The following CNTLN variants were observed in gnomAD, a reference collection of about 807,000 sequenced individuals.
The protein encoded by CNTLN is centlein, centrosomal protein.
In CNTLN, 212 loss-of-function variants were observed where a neutral mutation model predicts 180.0. The ratio of observed to expected loss-of-function variants is 1.18; its 90% confidence interval spans 1.05 to 1.32. The LOEUF (loss-of-function observed/expected upper bound fraction) is 1.32, where lower values mean the gene tolerates loss of function less well. CNTLN is among the 40% of genes most tolerant of loss of function. The pLI, the probability that CNTLN is intolerant of heterozygous loss-of-function variation, is 0.00. For synonymous variants in CNTLN, 722 were observed against 563.1 expected, an observed-to-expected ratio of 1.28 and a Z score of -3.99; for missense variants, 2,095 against 1,610.9, an observed-to-expected ratio of 1.30 and a Z score of -5.14.
At chr9:17,457,180 G>T (rs1313487857) in intron 18 of CNTLN, among the ~76,000 whole-genome samples, 1 of 152,094 alleles carries the variant, frequency 6.6e-6, no homozygotes, top group African/African-American at 2.4e-5. Context: ...GCTTTTCCCA[G>T]TTAAGTACTA....
At chr9:17,395,250 T>A (rs1441007526) in intron 15 of CNTLN, among the ~76,000 whole-genome samples, 181 bp downstream of exon 15, 3 of 152,214 alleles carry the variant, frequency 2.0e-5, no homozygotes, top group Non-Finnish European at 4.4e-5. Context: ...CATGCAAAAT[T>A]AGCCACAACT....
At chr9:17,449,833 A>G (rs1830683080) in intron 18 of CNTLN, among the ~76,000 whole-genome samples, 1 of 152,256 alleles carries the variant, frequency 6.6e-6, no homozygotes, top group South Asian at 2.1e-4. Flanking sequence ...ATAAAGGCAT[A>G]TAATGTTAAA....
At chr9:17,459,346 G>A (rs956736019) in intron 19 of CNTLN, among the ~76,000 whole-genome samples, 7 of 151,760 alleles carry the variant, frequency 4.6e-5, no homozygotes, top group Non-Finnish European at 1.0e-4. Flanking sequence ...TCTTGCTTTG[G>A]AGGAATGTGT....
At chr9:17,149,974 A>C (rs1185410059) in intron 2 of CNTLN, among the ~76,000 whole-genome samples, 2 of 152,090 alleles carry the variant, frequency 1.3e-5, no homozygotes, top group Admixed American at 1.3e-4. Context: ...GTCTGTTCAT[A>C]TCCTTTGCCA....
chr9:17,518,036 C>CTTTTTTTTTT, the CNTLN span, among the ~76,000 whole-genome samples: 39 of 69,224 alleles, frequency 5.6e-4, no homozygotes, highest in Admixed American at 8.0e-4. Flanking sequence ...TTTTCTTTTC[C>CTTTTTTTTTT]TTTTTTTTTT....
chr9:17,291,125 C>T (rs1829373704), intron 6 of CNTLN, among the ~76,000 whole-genome samples: 1 of 152,106 alleles, frequency 6.6e-6, no homozygotes, highest in African/African-American at 2.4e-5. Context: ...GAGTGGGTTT[C>T]TTTATCTTGA....
intron 19 of CNTLN, among the ~76,000 whole-genome samples, chr9:17,459,063 A>G (rs1470377631): frequency 6.6e-6 from 1 of 151,808 alleles, no homozygotes; most frequent in Admixed American, 6.6e-5. Flanking sequence ...TTCTGATATA[A>G]CTTTGTTTTT....
At chr9:17,355,091 C>G (rs755643327) in intron 12 of CNTLN, among the ~76,000 whole-genome samples, 2 of 152,174 alleles carry the variant, frequency 1.3e-5, no homozygotes, top group Non-Finnish European at 2.9e-5. Flanking sequence ...TCCAGACGCG[C>G]CACTTTAAGA....
intron 12 of CNTLN, among the ~76,000 whole-genome samples, chr9:17,358,512 C>T (rs557739801): frequency 1.3e-5 from 2 of 152,096 alleles, no homozygotes; most frequent in East Asian, 1.9e-4. Flanking sequence ...TAGACGTACA[C>T]GTGTGTATGT....
chr9:17,138,046 T>A (rs1817841058), intron 1 of CNTLN, among the ~76,000 whole-genome samples: 1 of 152,198 alleles, frequency 6.6e-6, no homozygotes, highest in Non-Finnish European at 1.5e-5. Flanking sequence ...CAAATGTAGC[T>A]TTTTCCTAAG....
At chr9:17,289,359 G>A (rs202050320) in intron 6 of CNTLN, among the ~76,000 whole-genome samples, 1 of 96,808 alleles carries the variant, frequency 1.0e-5, no homozygotes, top group Non-Finnish European at 1.9e-5. Flanking sequence ...TGGCTTGTAG[G>A]GTTTCTGCCG....
chr9:17,393,219 C>G (rs1222092244), intron 14 of CNTLN, among the ~76,000 whole-genome samples: 1 of 152,082 alleles, frequency 6.6e-6, no homozygotes, highest in Non-Finnish European at 1.5e-5. Flanking sequence ...CCCTCATGAT[C>G]CAATCACCTT....
Position 17,416,096 on chromosome 9 carries a change from G to A in CNTLN, c.3021G>A (p.Leu1007=), listed in dbSNP as rs1169558269. The A allele has an allele frequency of 1.9e-6, 3 of 1,613,562 alleles. No homozygotes were observed. The East Asian group carries it at 6.7e-5, about 36-fold the overall frequency. The change falls in exon 18 of 26, where the codon TTG becomes TTA. Residue 1007 remains leucine (L), a synonymous_variant. Coordinates refer to ENST00000380647, the MANE Select transcript of CNTLN (RefSeq NM_017738.4). The stretch of plus-strand genomic sequence containing the variant: ...AGAATGCCAAGAAAACAGCAGAATT[G>A]TCTGTTAAAGAATATAAAGAAGTTA... ...VLQNAKKTAE[L]SVKEYKEVNE...
intron 23 of CNTLN, among the ~76,000 whole-genome samples, chr9:17,483,832 AC>A (rs1433066720): frequency 3.9e-5 from 6 of 152,328 alleles, no homozygotes; most frequent in Middle Eastern, 3.4e-3. Context: ...TTTGTAATCT[AC>A]TATTGATAAA....
At chr9:17,331,973 A>G (rs1820674849) in intron 9 of CNTLN, among the ~76,000 whole-genome samples, 1 of 152,056 alleles carries the variant, frequency 6.6e-6, no homozygotes, top group South Asian at 2.1e-4. Flanking sequence ...TTCTTTTTGT[A>G]AGGCCATGCA....
At chr9:17,139,863 C>G (rs764800376) in intron 1 of CNTLN, among the ~76,000 whole-genome samples, 3 of 152,072 alleles carry the variant, frequency 2.0e-5, no homozygotes, top group Admixed American at 6.6e-5. Flanking sequence ...TGCCACCACA[C>G]TAGGCTAAGT....
chr9:17,152,961 C>A (rs1049170733), intron 2 of CNTLN, among the ~76,000 whole-genome samples: 1 of 152,070 alleles, frequency 6.6e-6, no homozygotes, highest in East Asian at 1.9e-4. Context: ...TCTGTTTTAT[C>A]AGAGATTAGG....
intron 6 of CNTLN, among the ~76,000 whole-genome samples, chr9:17,281,499 C>T (rs10962998): frequency 0.25 from 37,888 of 151,854 alleles, 4,883 homozygotes; most frequent in South Asian, 0.36. Context: ...TACCTGTATC[C>T]GTGTGTTCTC....
intron 3 of CNTLN, among the ~76,000 whole-genome samples, chr9:17,231,055 A>T (rs1331717460): frequency 1.3e-5 from 2 of 151,984 alleles, no homozygotes; most frequent in African/African-American, 4.8e-5. Context: ...GGTTTGCTGG[A>T]TAGTCTCAAT....
Sources: gnomAD v4.1 joint callset for allele counts (sites outside exome capture counted in the v4.1 genomes callset) on GRCh38, gnomAD v4.1.1 for gene constraint, MANE v1.5 for transcripts, NCBI Gene and HGNC (gene_info 2026-07-23, HGNC 2026-07-21) for gene names.